CSMD1: variants seen among roughly 807,000 people sequenced by gnomAD.
The protein encoded by CSMD1 is CUB and Sushi multiple domains 1.
CSMD1 carries 213 observed loss-of-function variants against 417.5 expected under a neutral mutation model. The observed-to-expected ratio is 0.51, with a 90% CI of 0.46 to 0.57. The LOEUF (loss-of-function observed/expected upper bound fraction) is 0.57, where lower values mean the gene tolerates loss of function less well. Among genes scored for constraint, CSMD1 ranks in the 20% least tolerant of loss-of-function variants. The probability of loss-of-function intolerance (pLI) is 0.00; values close to 1 mark genes in which losing one functional copy is unlikely to be tolerated. For synonymous variants in CSMD1, 2,862 were observed against 1,736.8 expected (o/e 1.65, Z -16.11); for missense variants, 6,923 against 4,529.7 (o/e 1.53, Z -15.17).
intron 1 of CSMD1, among the ~76,000 whole-genome samples, chr8:4,684,007 C>G (rs1374601957): frequency 6.6e-6 from 1 of 152,114 alleles, no homozygotes; most frequent in African/African-American, 2.4e-5. Flanking sequence ...CTGAGTATTG[C>G]TCAAGTGAAT....
chr8:3,525,715 T>A (rs1356966695), intron 10 of CSMD1, among the ~76,000 whole-genome samples: 1 of 152,156 alleles, frequency 6.6e-6, no homozygotes, highest in Non-Finnish European at 1.5e-5. Flanking sequence ...CCACTCAGAT[T>A]TTAACACCTA....
At chr8:2,982,497 C>T (rs556297595) in intron 54 of CSMD1, among the ~76,000 whole-genome samples, 7 of 152,306 alleles carry the variant, frequency 4.6e-5, no homozygotes, top group South Asian at 4.1e-4. Flanking sequence ...ACGTACTGAT[C>T]GCCTGATGAA....
At chr8:4,187,748 C>T (rs975004917) in intron 3 of CSMD1, among the ~76,000 whole-genome samples, 2 of 147,536 alleles carry the variant, frequency 1.4e-5, no homozygotes, top group African/African-American at 5.0e-5. Flanking sequence ...TAAATGAACA[C>T]TCAGAGAAAT....
At chr8:3,475,287 T>C (rs1428770927) in intron 11 of CSMD1, among the ~76,000 whole-genome samples, 1 of 152,192 alleles carries the variant, frequency 6.6e-6, no homozygotes, top group Non-Finnish European at 1.5e-5. Context: ...CTGAGCTCTC[T>C]GGGTGCAATT....
At position 4,421,485 on chromosome 8, in the gene CSMD1, T is replaced by C. The variant is rs534753897; in HGVS notation, c.303-1420A>G. On this transcript the variant is annotated intron_variant, in intron 2 of 69. Coordinates refer to ENST00000635120, the MANE Select transcript of CSMD1 (RefSeq NM_033225.6). Reference sequence around the variant, plus strand: ...AATAACTGAAATCATATAGCGTGTGTTCTCTGACCACACAGTGGAATCAAA... The same window carrying C: ...AATAACTGAAATCATATAGCGTGTGCTCTCTGACCACACAGTGGAATCAAA... Among the ~76,000 whole-genome samples, 390 of 152,266 alleles carry C rather than the reference T, an allele frequency of 2.6e-3. 9 individuals carry two copies. In the Middle Eastern group the frequency reaches 0.041, roughly 16 times the overall value.
intron 3 of CSMD1, among the ~76,000 whole-genome samples, chr8:4,041,241 T>A (rs987889773): frequency 2.0e-5 from 3 of 151,974 alleles, no homozygotes; most frequent in Non-Finnish European, 4.4e-5. Context: ...ATGGTCACGA[T>A]CTCCTGACCT....
At chr8:4,119,554 T>G (rs1056840120) in intron 3 of CSMD1, among the ~76,000 whole-genome samples, 1 of 150,744 alleles carries the variant, frequency 6.6e-6, no homozygotes, top group South Asian at 2.1e-4. Context: ...GATGAGGCCT[T>G]AAGGGTGTAG....
chr8:4,178,260 G>A (rs989666191), intron 3 of CSMD1, among the ~76,000 whole-genome samples: 1 of 152,078 alleles, frequency 6.6e-6, no homozygotes, highest in African/African-American at 2.4e-5. Flanking sequence ...TCCCTGGGAT[G>A]CAAGGCTGGT....
intron 49 of CSMD1, among the ~76,000 whole-genome samples, chr8:3,062,319 G>A (rs1480840998): frequency 1.3e-5 from 2 of 152,034 alleles, no homozygotes; most frequent in African/African-American, 2.4e-5. Context: ...GGTGCAGTAC[G>A]GAGCCACCTC....
intron 5 of CSMD1, chr8:3,949,889 T>C (rs749156363): frequency 1.3e-5 from 6 of 455,640 alleles, no homozygotes; most frequent in Non-Finnish European, 2.6e-5. Flanking sequence ...CAATTCAAGA[T>C]TGTGCCTCCA....
rs528374677 is a variant in CSMD1, at chr8:3,535,085, C to A, written c.1344+39860G>T. Among the ~76,000 whole-genome samples the A allele has an allele frequency of 2.6e-5, 4 of 152,090 alleles. No individual in the cohort carries two copies. In the South Asian group the frequency reaches 8.3e-4, roughly 32 times the overall value. ...GCCTCAGCCTACTGAGTAGTTGGGA[C>A]TACAGGGTGTACCAACATAGTCAGC... On this transcript the variant is annotated intron_variant, in intron 10 of 69. Transcript: ENST00000635120.
chr8:4,620,825 A>G (rs367841656), intron 2 of CSMD1, among the ~76,000 whole-genome samples: 1 of 151,906 alleles, frequency 6.6e-6, no homozygotes. Flanking sequence ...TTTATATTCC[A>G]CTTAACTTAT....
chr8:4,022,870 TA>T (rs1796859480), intron 4 of CSMD1, among the ~76,000 whole-genome samples: 2 of 152,330 alleles, frequency 1.3e-5, no homozygotes, highest in African/African-American at 4.8e-5. Context: ...AGAATTCACA[TA>T]GTTAAGAAGC....
At chr8:3,978,900 A>T (rs1813642789) in intron 5 of CSMD1, among the ~76,000 whole-genome samples, 1 of 152,208 alleles carries the variant, frequency 6.6e-6, no homozygotes, top group Admixed American at 6.5e-5. Flanking sequence ...GAACAGTGAG[A>T]AGACAAGGAA....
At chr8:4,138,741 A>T (rs995390896) in intron 3 of CSMD1, among the ~76,000 whole-genome samples, 1 of 152,202 alleles carries the variant, frequency 6.6e-6, no homozygotes, top group East Asian at 1.9e-4. Flanking sequence ...TAGAGGAAAA[A>T]TACTAAACCA....
intron 5 of CSMD1, among the ~76,000 whole-genome samples, chr8:3,971,417 T>C (rs1003409133): frequency 6.6e-6 from 1 of 152,156 alleles, no homozygotes; most frequent in Admixed American, 6.5e-5. Context: ...TTTTTCAATA[T>C]ATTTTTTGGC....
intron 3 of CSMD1, among the ~76,000 whole-genome samples, chr8:4,205,464 C>A (rs947994703): frequency 1.3e-5 from 2 of 152,172 alleles, no homozygotes; most frequent in African/African-American, 4.8e-5. Context: ...TATATACTTA[C>A]AAAAGCAATT....
intron 10 of CSMD1, among the ~76,000 whole-genome samples, chr8:3,517,460 C>T (rs1349418585): frequency 6.6e-6 from 1 of 152,128 alleles, no homozygotes; most frequent in Non-Finnish European, 1.5e-5. Flanking sequence ...TCCAAATTGC[C>T]AGTGAAATTT....
At chr8:4,401,971 A>G (rs1348474227) in intron 3 of CSMD1, among the ~76,000 whole-genome samples, 1 of 152,066 alleles carries the variant, frequency 6.6e-6, no homozygotes. Context: ...TGGCTCCTTG[A>G]AAATTTCAGC....
Sources: allele counts gnomAD v4.1 joint callset (sites outside exome capture counted in the v4.1 genomes callset), GRCh38; gene constraint gnomAD v4.1.1; transcripts MANE v1.5; gene names NCBI Gene and HGNC (gene_info 2026-07-23, HGNC 2026-07-21).